CHD7: variants seen among roughly 807,000 people sequenced by gnomAD.
CHD7 encodes chromodomain helicase DNA binding protein 7.
In CHD7, 24 loss-of-function variants were observed where a neutral mutation model predicts 307.3. The observed-to-expected ratio is 0.08, with a 90% confidence interval of 0.06 to 0.11. The LOEUF is 0.11. Ranked by LOEUF, CHD7 falls within the 10% of genes least tolerant of loss-of-function variation. The pLI is 1.00. For synonymous variants in CHD7, 1,363 were observed against 1,349.9 expected (o/e 1.01, Z -0.21); for missense variants, 3,106 against 3,727.1 (o/e 0.83, Z 4.34).
At chr8:60,817,460 C>A (rs1803803789) in intron 8 of CHD7, among the ~76,000 whole-genome samples, 1 of 152,152 alleles carries the variant, frequency 6.6e-6, no homozygotes, top group South Asian at 2.1e-4. Flanking sequence ...CTTCTGGGAT[C>A]TGATTTCCAT....
intron 4 of CHD7, among the ~76,000 whole-genome samples, 158 bp downstream of exon 4, chr8:60,795,285 G>T (rs1213572637): frequency 1.3e-5 from 2 of 152,130 alleles, no homozygotes; most frequent in African/African-American, 2.4e-5. Flanking sequence ...ATGTAGGGAG[G>T]GGGAGCGGGC....
intron 15 of CHD7, among the ~76,000 whole-genome samples, chr8:60,831,614 G>A (rs1804524471): frequency 1.3e-5 from 2 of 151,790 alleles, no homozygotes; most frequent in Non-Finnish European, 2.9e-5. Flanking sequence ...AGGCAACACT[G>A]CATAAAAAGG....
At chr8:60,751,746 G>A (rs544949700) in intron 2 of CHD7, among the ~76,000 whole-genome samples, 1 of 152,270 alleles carries the variant, frequency 6.6e-6, no homozygotes, top group East Asian at 1.9e-4. Flanking sequence ...GAGAACCTTC[G>A]AGGGCTAGGA....
At chr8:60,770,599 C>G (rs767654750) in intron 2 of CHD7, among the ~76,000 whole-genome samples, 3 of 152,180 alleles carry the variant, frequency 2.0e-5, no homozygotes, top group African/African-American at 2.4e-5. Flanking sequence ...GTATCAGGAA[C>G]CTTTAATATT....
At chr8:60,739,021 C>T (rs1439844521) in intron 1 of CHD7, among the ~76,000 whole-genome samples, 2 of 152,170 alleles carry the variant, frequency 1.3e-5, no homozygotes, top group East Asian at 1.9e-4. Context: ...AAAGTTAGCA[C>T]CAACTTCATC....
intron 2 of CHD7, among the ~76,000 whole-genome samples, chr8:60,764,319 T>A (rs548129476): frequency 1.3e-5 from 2 of 152,296 alleles, no homozygotes; most frequent in East Asian, 3.9e-4. Flanking sequence ...TCATGAGCCA[T>A]TCAGATTTTA....
chr8:60,726,749 A>G (rs1366478319), intron 1 of CHD7, among the ~76,000 whole-genome samples: 1 of 152,138 alleles, frequency 6.6e-6, no homozygotes, highest in Non-Finnish European at 1.5e-5. Flanking sequence ...TTTTTTTAAC[A>G]CAAGCACCTC....
Position 60,862,344 on chromosome 8 carries a change from C to T in CHD7, c.7971+8C>T, listed in dbSNP as rs1295446479. 1.9e-5 allele frequency: 30 copies of T among 1,597,320 alleles called. No individual in the cohort carries two copies. Among genetic ancestry groups the T allele is most frequent in the Non-Finnish European group, 2.4e-5 (28 of 1,172,246 alleles). On this transcript the variant is annotated splice_region_variant and intron_variant, in intron 36 of 37. Transcript: ENST00000423902. Reference sequence around the variant, plus strand: ...AAACGAAATGGGAAGAAGGTAAACGCTGGGAAAGGGAATTGATCACTATGC... The same window carrying T: ...AAACGAAATGGGAAGAAGGTAAACGTTGGGAAAGGGAATTGATCACTATGC...
At chr8:60,714,182 G>C (rs1025465849) in intron 1 of CHD7, among the ~76,000 whole-genome samples, 4 of 151,942 alleles carry the variant, frequency 2.6e-5, no homozygotes, top group East Asian at 1.9e-4. Flanking sequence ...GGGCCCCCCG[G>C]GGGGCGGGGC....
chr8:60,818,391 C>T (rs369254891), intron 8 of CHD7, among the ~76,000 whole-genome samples: 33 of 152,322 alleles, frequency 2.2e-4, no homozygotes, highest in African/African-American at 7.9e-4. Flanking sequence ...TTTAATTCAG[C>T]ACTGACTGTG....
Position 60,822,285 on chromosome 8 carries a change from A to G in CHD7, c.2957+140A>G, listed in dbSNP as rs1020732280. The stretch of plus-strand genomic sequence containing the variant: ...AAAACAAGCATTGAAAATATATGTA[A>G]TATTTAATAAATATTAATACAGAGA... On this transcript the variant is annotated intron_variant, in intron 11 of 37. Coordinates refer to ENST00000423902, the MANE Select transcript of CHD7 (RefSeq NM_017780.4). The G allele has an allele frequency of 3.1e-5, 23 of 735,336 alleles. No homozygotes were observed. The African/African-American group carries it at 4.1e-4, about 13-fold the overall frequency. 45.6% of individuals were successfully genotyped at this position (735,336 alleles called of 1,614,324 possible).
intron 19 of CHD7, among the ~76,000 whole-genome samples, chr8:60,841,112 G>A (rs1191976561): frequency 2.0e-5 from 3 of 152,048 alleles, no homozygotes; most frequent in East Asian, 1.9e-4. Context: ...TGGTTCCTTC[G>A]GGATAGAGTT....
chr8:60,682,521 A>G (rs1563511603), intron 1 of CHD7, among the ~76,000 whole-genome samples: 2 of 152,338 alleles, frequency 1.3e-5, no homozygotes, highest in Middle Eastern at 3.4e-3. Context: ...TTTCAAACCT[A>G]AGATTACAGC....
rs547276366 is a variant in CHD7 at position 60,742,146 on chromosome 8, G to A, written c.714G>A (p.Val238=). The A allele has an allele frequency of 6.2e-6, 10 of 1,613,930 alleles. No homozygotes were observed. In the South Asian group the frequency reaches 8.8e-5, roughly 14 times the overall value. The change falls in exon 2 of 38, where the codon GTG becomes GTA. Residue 238 remains valine (V), a synonymous_variant. Coordinates refer to ENST00000423902, the MANE Select transcript of CHD7 (RefSeq NM_017780.4). The part of the protein sequence containing the change: ...ATSGPGHLSH[V]PQQSPSMAPS... The stretch of plus-strand genomic sequence containing the variant: ...CAGGACCTGGCCACTTGTCCCACGT[G>A]CCCCAGCAGAGTCCCAGCATGGCAC...
intron 2 of CHD7, among the ~76,000 whole-genome samples, chr8:60,748,992 AAAT>A (rs1809481841): frequency 6.6e-6 from 1 of 151,582 alleles, no homozygotes; most frequent in African/African-American, 2.4e-5. Flanking sequence ...TTTTTTAAAA[AAAT>A]AGCCTTTCAG....
rs1418911341 is a variant in CHD7 at position 60,852,015 on chromosome 8, C to T, written c.5666-4C>T. ...ATTTCAAAAATGTTTTTCCACTTCCCCAGGCAAGCACAGTGAGAGTAATGC... is the reference window on the plus strand; with the variant it reads ...ATTTCAAAAATGTTTTTCCACTTCCTCAGGCAAGCACAGTGAGAGTAATGC... On this transcript the variant is annotated splice_region_variant and splice_polypyrimidine_tract_variant and intron_variant, in intron 28 of 37. Coordinates refer to ENST00000423902, the MANE Select transcript of CHD7 (RefSeq NM_017780.4). The T allele has an allele frequency of 1.9e-6, 3 of 1,600,322 alleles. No individual in the cohort carries two copies. The highest frequency in any genetic ancestry group is 1.7e-5 in the Admixed American group (1 of 58,324).
chr8:60,726,606 C>T (rs761610270), intron 1 of CHD7, among the ~76,000 whole-genome samples: 1 of 152,126 alleles, frequency 6.6e-6, no homozygotes, highest in Non-Finnish European at 1.5e-5. Context: ...TCTAATTTGG[C>T]CTGATGAATT....
At chr8:60,704,682 A>G (rs1156768458) in intron 1 of CHD7, among the ~76,000 whole-genome samples, 1 of 151,782 alleles carries the variant, frequency 6.6e-6, no homozygotes, top group Non-Finnish European at 1.5e-5. Flanking sequence ...AAGATTTAGC[A>G]GGTAAAATAA....
chr8:60,780,505 G>A (rs1410496913), intron 2 of CHD7, among the ~76,000 whole-genome samples: 10 of 152,182 alleles, frequency 6.6e-5, no homozygotes, highest in African/African-American at 2.2e-4. Flanking sequence ...AGATTTATGT[G>A]TTATGTTTAC....
Sources: allele counts gnomAD v4.1 joint callset (sites outside exome capture counted in the v4.1 genomes callset), GRCh38; gene constraint gnomAD v4.1.1; transcripts MANE v1.5; gene names NCBI Gene and HGNC (gene_info 2026-07-23, HGNC 2026-07-21).